The following DENND1A variants were observed in gnomAD, a reference collection of about 807,000 sequenced individuals.
DENND1A encodes the protein DENN domain-containing protein 1A.
Under a neutral mutation model 113.7 loss-of-function variants are expected in DENND1A, and 51 were observed. The observed-to-expected ratio is 0.45, with a 90% CI of 0.36 to 0.57. DENND1A has a LOEUF of 0.57. Among genes scored for constraint, DENND1A ranks in the 20% least tolerant of loss-of-function variants. The probability of loss-of-function intolerance (pLI) is 0.00; values close to 1 mark genes in which losing one functional copy is unlikely to be tolerated. For synonymous variants in DENND1A, 565 were observed against 570.8 expected, an observed-to-expected ratio of 0.99 and a Z score of 0.14; for missense variants, 1,258 against 1,395.9, an observed-to-expected ratio of 0.90 and a Z score of 1.57.
At chr9:123,414,100 G>A in intron 19 of DENND1A, 1 of 993,892 alleles carries the variant, frequency 1.0e-6, no homozygotes, top group South Asian at 4.5e-5. Flanking sequence ...TCGGGAGGCA[G>A]CCTCTAGGGG....
At chr9:123,631,062 T>C (rs1210066202) in intron 9 of DENND1A, among the ~76,000 whole-genome samples, 1 of 152,240 alleles carries the variant, frequency 6.6e-6, no homozygotes, top group Non-Finnish European at 1.5e-5. Flanking sequence ...TTTGTATCTA[T>C]AGTTCCTAAA....
intron 9 of DENND1A, among the ~76,000 whole-genome samples, chr9:123,635,761 T>C (rs2061672119): frequency 6.6e-6 from 1 of 152,204 alleles, no homozygotes; most frequent in African/African-American, 2.4e-5. Flanking sequence ...AGAGAAAGGT[T>C]TACATTCCTT....
chr9:123,588,768 A>ATTTTTTTTTTTTTTTTTTTT (rs1249188721), intron 11 of DENND1A, among the ~76,000 whole-genome samples: 1 of 133,566 alleles, frequency 7.5e-6, no homozygotes, highest in African/African-American at 2.9e-5. Context: ...AAATAATTCT[A>ATTTTTTTTTTTTTTTTTTTT]TTTTGTTTTT....
At chr9:123,742,842 A>T (rs903089359) in intron 5 of DENND1A, among the ~76,000 whole-genome samples, 5 of 152,232 alleles carry the variant, frequency 3.3e-5, no homozygotes, top group Non-Finnish European at 7.3e-5. Context: ...AATGCATAGG[A>T]CAGATGCTAA....
intron 6 of DENND1A, among the ~76,000 whole-genome samples, chr9:123,675,426 A>C (rs190970403): frequency 6.6e-6 from 1 of 152,294 alleles, no homozygotes; most frequent in African/African-American, 2.4e-5. Flanking sequence ...GATGAAAATG[A>C]AACACAGCTT....
At chr9:123,580,002 G>C (rs1373247616) in intron 12 of DENND1A, among the ~76,000 whole-genome samples, 2 of 152,114 alleles carry the variant, frequency 1.3e-5, no homozygotes, top group Admixed American at 6.5e-5. Context: ...AGACTGTCAG[G>C]ACATAGAGGT....
intron 9 of DENND1A, among the ~76,000 whole-genome samples, chr9:123,633,650 C>T (rs982885532): frequency 6.6e-6 from 1 of 152,140 alleles, no homozygotes; most frequent in African/African-American, 2.4e-5. Context: ...GTGGCACATG[C>T]CTGTAGTCCC....
rs1278566055 is a variant in DENND1A, at chr9:123,445,901, ACT to A, written c.1356+4790_1356+4791del. Among the ~76,000 whole-genome samples the A allele has an allele frequency of 7.2e-5, 11 of 152,062 alleles. No individual in the cohort carries two copies. The East Asian group carries it at 2.1e-3, about 29-fold the overall frequency. ...CAAACAAAAGACAGACAAAAGGGAA[ACT>A]CTCAATTATTCAGTGCCTACTAAGT... On this transcript the variant is annotated intron_variant, in intron 18 of 23. Coordinates refer to ENST00000394215, the MANE Select transcript of DENND1A (RefSeq NM_001352964.2).
intron 5 of DENND1A, among the ~76,000 whole-genome samples, chr9:123,752,815 T>G (rs951134871): frequency 6.6e-6 from 1 of 152,192 alleles, no homozygotes; most frequent in Non-Finnish European, 1.5e-5. Flanking sequence ...GATGGTACAA[T>G]ATGAAAATGC....
chr9:123,878,841 A>G (rs1847901141), intron 2 of DENND1A, 110 bp downstream of exon 2: 1 of 1,075,630 alleles, frequency 9.3e-7, no homozygotes, highest in African/African-American at 1.6e-5. Context: ...AGGCACTTAA[A>G]CATACTTAAA....
At chr9:123,783,114 T>A (rs1831574736) in intron 3 of DENND1A, among the ~76,000 whole-genome samples, 1 of 152,210 alleles carries the variant, frequency 6.6e-6, no homozygotes, top group Admixed American at 6.5e-5. Flanking sequence ...TTTCTGAAGT[T>A]TTGAACATGG....
intron 9 of DENND1A, among the ~76,000 whole-genome samples, chr9:123,649,857 A>G (rs1457770962): frequency 6.6e-6 from 1 of 152,230 alleles, no homozygotes; most frequent in Non-Finnish European, 1.5e-5. Context: ...GCAAAATCAC[A>G]CAGAAGGTTC....
chr9:123,465,137 T>G (rs2048837046), intron 13 of DENND1A, among the ~76,000 whole-genome samples: 1 of 150,752 alleles, frequency 6.6e-6, no homozygotes, highest in Non-Finnish European at 1.5e-5. Context: ...GCCAACATTG[T>G]GGCACTGCAC....
chr9:123,494,325 G>A (rs1020657785), intron 13 of DENND1A, among the ~76,000 whole-genome samples: 8 of 152,154 alleles, frequency 5.3e-5, no homozygotes, highest in Non-Finnish European at 8.8e-5. Flanking sequence ...GCCATTCCCC[G>A]GAAGTCTGGA....
chr9:123,533,512 C>A (rs1211110215), intron 13 of DENND1A, among the ~76,000 whole-genome samples: 1 of 152,174 alleles, frequency 6.6e-6, no homozygotes, highest in African/African-American at 2.4e-5. Context: ...CCATTTGCTG[C>A]ACATCCATGG....
intron 21 of DENND1A, among the ~76,000 whole-genome samples, chr9:123,402,248 A>G (rs2043535342): frequency 6.9e-6 from 1 of 145,364 alleles, no homozygotes; most frequent in Non-Finnish European, 1.5e-5. Context: ...ACGTGCACAC[A>G]CACACACACA....
intron 12 of DENND1A, among the ~76,000 whole-genome samples, chr9:123,566,720 CAT>C (rs985339116): frequency 2.0e-5 from 3 of 152,136 alleles, no homozygotes; most frequent in African/African-American, 7.2e-5. Flanking sequence ...CTTGCCCACA[CAT>C]ATACACTCCA....
Position 123,741,746 on chromosome 9 carries a change from G to A in DENND1A, c.302+15957C>T, listed in dbSNP as rs561860860. Among the ~76,000 whole-genome samples, 300 of 152,266 alleles carry A rather than the reference G, an allele frequency of 2.0e-3. 1 individual carries two copies. Among genetic ancestry groups the A allele is most frequent in the African/African-American group, 7.0e-3 (291 of 41,544 alleles). On this transcript the variant is annotated intron_variant, in intron 5 of 23. Coordinates refer to ENST00000394215, the MANE Select transcript of DENND1A (RefSeq NM_001352964.2). Reference sequence around the variant, plus strand: ...AAGCTCCAGAGTGAGTGGGTGCTGAGTGTCATTCAACAAATGATAATTCCC... The same window carrying A: ...AAGCTCCAGAGTGAGTGGGTGCTGAATGTCATTCAACAAATGATAATTCCC...
At chr9:123,913,704 G>T (rs1220881610) in intron 1 of DENND1A, among the ~76,000 whole-genome samples, 1 of 151,878 alleles carries the variant, frequency 6.6e-6, no homozygotes, top group African/African-American at 2.4e-5. Context: ...TCAGGAGTTC[G>T]AGACTAGCCT....
Sources: allele counts gnomAD v4.1 joint callset (sites outside exome capture counted in the v4.1 genomes callset), GRCh38; gene constraint gnomAD v4.1.1; transcripts MANE v1.5; gene names NCBI Gene and HGNC (gene_info 2026-07-23, HGNC 2026-07-21).